CD8B2: variants seen among roughly 807,000 people sequenced by gnomAD.
The protein encoded by CD8B2 is T-cell surface glycoprotein CD8 beta-2 chain.
In CD8B2, 11 loss-of-function variants were observed where a neutral mutation model predicts 23.7. That is an observed-to-expected ratio of 0.46 (90% CI 0.29 to 0.77). CD8B2 has a LOEUF of 0.77. Ranked by LOEUF, CD8B2 falls within the 30% of genes least tolerant of loss-of-function variation. The probability of loss-of-function intolerance (pLI) is 0.09; values close to 1 mark genes in which losing one functional copy is unlikely to be tolerated. For synonymous variants in CD8B2, 90 were observed against 109.3 expected, an observed-to-expected ratio of 0.82 and a Z score of 1.10; for missense variants, 197 against 270.5, an observed-to-expected ratio of 0.73 and a Z score of 1.91.
intron 5 of CD8B2, among the ~76,000 whole-genome samples, chr2:106,532,629 G>C (rs1680005506): frequency 6.6e-6 from 1 of 152,176 alleles, no homozygotes; most frequent in Non-Finnish European, 1.5e-5. Flanking sequence ...TCTGCAAAAG[G>C]GGTGGGCAAT....
intron 1 of CD8B2, among the ~76,000 whole-genome samples, chr2:106,489,245 C>T (rs1198826546): frequency 6.6e-6 from 1 of 151,546 alleles, no homozygotes; most frequent in Non-Finnish European, 1.5e-5. Flanking sequence ...CCAAGTGATC[C>T]TCCTGCCTCG....
At chr2:106,523,017 TA>T (rs1162407283) in intron 5 of CD8B2, among the ~76,000 whole-genome samples, 2 of 152,180 alleles carry the variant, frequency 1.3e-5, no homozygotes, top group African/African-American at 2.4e-5. Context: ...GCCTAAATTT[TA>T]TTTTGCAATA....
chr2:106,539,490 G>A (rs557473067), intron 5 of CD8B2, among the ~76,000 whole-genome samples: 1 of 152,236 alleles, frequency 6.6e-6, no homozygotes, highest in East Asian at 1.9e-4. Context: ...CCATGTGTGC[G>A]GTGTGCTCAT....
intron 4 of CD8B2, 100 bp downstream of exon 4, chr2:106,502,663 G>C (rs537900713): frequency 1.6e-6 from 1 of 634,090 alleles, no homozygotes; most frequent in South Asian, 2.3e-5. Context: ...ATGGCAGCCT[G>C]GTGGGAATTT....
chr2:106,534,751 G>A (rs985238609), intron 5 of CD8B2, among the ~76,000 whole-genome samples: 2 of 152,184 alleles, frequency 1.3e-5, no homozygotes, highest in Non-Finnish European at 2.9e-5. Context: ...TCCCTGGGGA[G>A]GTAGGAGCTA....
At chr2:106,490,530 C>CCCAT (rs1359184827) in intron 1 of CD8B2, among the ~76,000 whole-genome samples, 3 of 152,118 alleles carry the variant, frequency 2.0e-5, no homozygotes, top group Non-Finnish European at 4.4e-5. Context: ...ATAACAAGAC[C>CCCAT]CCATGTCTTT....
At chr2:106,517,708 T>A (rs529422819) in intron 5 of CD8B2, among the ~76,000 whole-genome samples, 1 of 135,450 alleles carries the variant, frequency 7.4e-6, no homozygotes, top group Non-Finnish European at 1.6e-5. Context: ...CTGTTTTTTT[T>A]TTGTTTTTTT....
At chr2:106,543,007 T>C (rs1203863868) in intron 5 of CD8B2, 2 of 152,122 alleles carry the variant, frequency 1.3e-5, no homozygotes, top group Non-Finnish European at 2.9e-5. Flanking sequence ...TTCGCGTTAA[T>C]GTACCCTGTT....
intron 5 of CD8B2, among the ~76,000 whole-genome samples, chr2:106,533,297 T>G (rs574553819): frequency 6.6e-6 from 1 of 152,270 alleles, no homozygotes; most frequent in Admixed American, 6.5e-5. Context: ...TCCAAACATC[T>G]TTAAAGGAAC....
chr2:106,527,834 C>A (rs1243823900), intron 5 of CD8B2, among the ~76,000 whole-genome samples: 6 of 129,976 alleles, frequency 4.6e-5, no homozygotes, highest in African/African-American at 8.5e-5. Context: ...AACAAAAAGA[C>A]AGCCCAGGAC....
chr2:106,521,928 G>A (rs1679831480), intron 5 of CD8B2: 2 of 152,334 alleles, frequency 1.3e-5, no homozygotes, highest in Admixed American at 1.3e-4. Context: ...GGTGGGGCCT[G>A]GGGGTCTGCA....
chr2:106,523,426 G>C (rs1284447151), intron 5 of CD8B2, among the ~76,000 whole-genome samples: 2 of 152,184 alleles, frequency 1.3e-5, no homozygotes, highest in Non-Finnish European at 2.9e-5. Flanking sequence ...TTTTGGCAGA[G>C]ACTCAAAGGC....
intron 5 of CD8B2, chr2:106,535,286 T>A (rs1019478288): frequency 2.0e-5 from 3 of 152,146 alleles, no homozygotes; most frequent in Admixed American, 6.5e-5. Context: ...ACACTTAAGA[T>A]CTAAATTTCC....
At chr2:106,537,426 T>C (rs1680106238) in intron 5 of CD8B2, among the ~76,000 whole-genome samples, 1 of 152,276 alleles carries the variant, frequency 6.6e-6, no homozygotes, top group Non-Finnish European at 1.5e-5. Flanking sequence ...CAGAAAATTA[T>C]GGTTCAACGC....
chr2:106,496,524 A>G (rs1221892575), intron 3 of CD8B2, among the ~76,000 whole-genome samples: 1 of 152,230 alleles, frequency 6.6e-6, no homozygotes, highest in Non-Finnish European at 1.5e-5. Flanking sequence ...CCACAGCTTC[A>G]TTATTCATAC....
intron 5 of CD8B2, chr2:106,521,517 A>T (rs942145523): frequency 6.6e-6 from 1 of 152,216 alleles, no homozygotes; most frequent in African/African-American, 2.4e-5. Flanking sequence ...CCTTACCCTC[A>T]CTGTCTGCCT....
At chr2:106,513,588 A>AG (rs544574258), downstream of CD8B2, among the ~76,000 whole-genome samples, 3,423 of 150,416 alleles carry the variant, frequency 0.023, 40 homozygotes, top group Admixed American at 0.038. Context: ...GGAGGGGTGG[A>AG]GGCTCCTCTT....
At chr2:106,501,668 C>T (rs950345180) in intron 3 of CD8B2, among the ~76,000 whole-genome samples, 21 of 152,158 alleles carry the variant, frequency 1.4e-4, no homozygotes, top group Middle Eastern at 3.4e-3. Context: ...GGCGACAGAG[C>T]GAGACTCTGT....
chr2:106,537,640 G>T (rs192589436), intron 5 of CD8B2, among the ~76,000 whole-genome samples: 12 of 152,218 alleles, frequency 7.9e-5, no homozygotes, highest in African/African-American at 2.4e-4. Context: ...ACACCAGATT[G>T]TAGCTCCTTG....
Sources: allele counts gnomAD v4.1 joint callset (sites outside exome capture counted in the v4.1 genomes callset), GRCh38; gene constraint gnomAD v4.1.1; transcripts MANE v1.5; gene names NCBI Gene and HGNC (gene_info 2026-07-23, HGNC 2026-07-21).